Variants in RNFT2 observed in about 807,000 individuals in gnomAD.
RNFT2 encodes the protein E3 ubiquitin-protein ligase RNFT2.
In RNFT2, 36 loss-of-function variants were observed where a neutral mutation model predicts 53.0. The observed-to-expected ratio is 0.68, with a 90% CI of 0.52 to 0.90. The LOEUF is 0.90. Ranked by LOEUF, RNFT2 falls within the 40% of genes least tolerant of loss-of-function variation. The pLI is 0.00. For missense variants in RNFT2, 514 were observed against 585.6 expected, an observed-to-expected ratio of 0.88 and a Z score of 1.26; for synonymous variants, 260 against 253.2, an observed-to-expected ratio of 1.03 and a Z score of -0.26.
chr12:116,812,053 G>A (rs150260558), intron 7 of RNFT2, among the ~76,000 whole-genome samples: 1 of 152,116 alleles, frequency 6.6e-6, no homozygotes, highest in Non-Finnish European at 1.5e-5. Context: ...GAGGAGCCCG[G>A]TGAGGAACAA....
intron 7 of RNFT2, among the ~76,000 whole-genome samples, chr12:116,785,279 G>GGGCA (rs1566080510): frequency 3.7e-4 from 41 of 110,030 alleles, no homozygotes; most frequent in African/African-American, 2.6e-3. Flanking sequence ...GTGTGTGGCG[G>GGGCA]GGGGGGGTTG....
chr12:116,755,194 C>T (rs1195624711), intron 5 of RNFT2, among the ~76,000 whole-genome samples: 1 of 152,154 alleles, frequency 6.6e-6, no homozygotes, highest in East Asian at 1.9e-4. Flanking sequence ...CAGTTTCACT[C>T]TCCTACATGT....
At chr12:116,800,570 G>T (rs1041212914) in intron 7 of RNFT2, among the ~76,000 whole-genome samples, 23 of 151,814 alleles carry the variant, frequency 1.5e-4, no homozygotes, top group Non-Finnish European at 1.5e-4. Flanking sequence ...GAGGCGGGAG[G>T]TTGCAGTGAG....
chr12:116,842,677 G>A (rs990617494), intron 10 of RNFT2, among the ~76,000 whole-genome samples: 3 of 152,060 alleles, frequency 2.0e-5, no homozygotes, highest in African/African-American at 4.8e-5. Flanking sequence ...GAGTTCAAGC[G>A]ATTCTCCTGC....
chr12:116,788,867 A>C (rs769491256), intron 7 of RNFT2, among the ~76,000 whole-genome samples: 1 of 146,228 alleles, frequency 6.8e-6, no homozygotes, highest in African/African-American at 2.7e-5. Flanking sequence ...AGGAGAGTGG[A>C]TGGATGAATG....
At chr12:116,742,506 A>G (rs1871661142) in intron 3 of RNFT2, among the ~76,000 whole-genome samples, 1 of 152,044 alleles carries the variant, frequency 6.6e-6, no homozygotes, top group South Asian at 2.1e-4. Context: ...GGCTCAAGCG[A>G]TCTGTCCGAC....
intron 6 of RNFT2, among the ~76,000 whole-genome samples, chr12:116,771,174 G>C (rs151193570): frequency 3.9e-5 from 6 of 152,062 alleles, no homozygotes; most frequent in Non-Finnish European, 7.4e-5. Context: ...TTAAACATGT[G>C]GATAGTCCAG....
rs1482786750 is a variant in RNFT2, at chr12:116,743,235, AAAAAAAAAAC to A, written c.83+2142_83+2151del. Among the ~76,000 whole-genome samples, 334 of 115,058 alleles carry A rather than the reference AAAAAAAAAAC, an allele frequency of 2.9e-3. 57 individuals are homozygous for A. The highest frequency in any genetic ancestry group is 4.4e-3 in the Admixed American group (48 of 10,958). 75.5% of individuals were successfully genotyped at this position (115,058 alleles called of 152,430 possible). ...ATCTAAAAAAAAAAAAAAAAAAAAA[AAAAAAAAAAC>A]CGGTTAAAAAACACTCATGAGCTAG... On this transcript the variant is annotated intron_variant, in intron 3 of 10. Transcript: ENST00000257575.
chr12:116,770,814 C>A (rs1413364978), intron 6 of RNFT2, among the ~76,000 whole-genome samples: 2 of 152,154 alleles, frequency 1.3e-5, no homozygotes, highest in African/African-American at 2.4e-5. Flanking sequence ...CCACCTCAGC[C>A]TCCCAAATGG....
At chr12:116,821,859 C>T (rs1393912356) in intron 7 of RNFT2, among the ~76,000 whole-genome samples, 1 of 109,782 alleles carries the variant, frequency 9.1e-6, no homozygotes, top group Non-Finnish European at 1.6e-5. Context: ...CTCTGTCGCC[C>T]AGGCTGGAGT....
intron 3 of RNFT2, among the ~76,000 whole-genome samples, chr12:116,746,197 A>G (rs2032927812): frequency 6.6e-6 from 1 of 152,156 alleles, no homozygotes; most frequent in Non-Finnish European, 1.5e-5. Context: ...AGATCGCGCC[A>G]CTGCACTCTA....
At position 116,766,869 on chromosome 12, in the gene RNFT2, C is replaced by A. The variant is rs773630501; in HGVS notation, c.683C>A (p.Thr228Asn). The part of the protein sequence containing the change: ...LWILAFLAGN[T>N]LYVLYTFSSQ... ...ATCCTGGCCTTTCTGGCGGGGAACA[C>A]CCTCTATGTGCTTTATACATTCAGC... The change falls in exon 6 of 11, where the codon ACC becomes AAC. Residue 228 changes from threonine (T) to asparagine (N), a missense_variant. Thr to Asn is a moderately conservative substitution (Grantham distance 65). Coordinates refer to ENST00000257575, the MANE Select transcript of RNFT2 (RefSeq NM_001382266.1). The A allele has an allele frequency of 5.0e-6, 8 of 1,597,372 alleles. No individual in the cohort carries two copies. Among genetic ancestry groups the A allele is most frequent in the Non-Finnish European group, 6.0e-6 (7 of 1,171,608 alleles).
rs553581123 is a variant in RNFT2 at position 116,742,337 on chromosome 12, G to A, written c.83+1243G>A. ...GGCTAGAATGCAGTGGCACGATCTCGGCTCACTGCAGCCTCGACCTCTCAG... is the reference window on the plus strand; with the variant it reads ...GGCTAGAATGCAGTGGCACGATCTCAGCTCACTGCAGCCTCGACCTCTCAG... On this transcript the variant is annotated intron_variant, in intron 3 of 10. Coordinates refer to ENST00000257575, the MANE Select transcript of RNFT2 (RefSeq NM_001382266.1). Among the ~76,000 whole-genome samples the A allele has an allele frequency of 4.7e-5, 7 of 148,142 alleles. No individual in the cohort carries two copies. The East Asian group carries it at 1.2e-3, about 25-fold the overall frequency.
At position 116,756,366 on chromosome 12, in the gene RNFT2, T is replaced by C. The variant is rs184149227; in HGVS notation, c.627+2306T>C. Among the ~76,000 whole-genome samples the C allele has an allele frequency of 3.0e-4, 46 of 152,284 alleles. No homozygotes were observed. The East Asian group carries it at 6.9e-3, about 23-fold the overall frequency. On this transcript the variant is annotated intron_variant, in intron 5 of 10. Transcript: ENST00000257575. Reference sequence around the variant, plus strand: ...ATTGTAAAAGGGGTTGAGTTCTTGATGTGATTCTCTACTTGGTCGCCGTTG... The same window carrying C: ...ATTGTAAAAGGGGTTGAGTTCTTGACGTGATTCTCTACTTGGTCGCCGTTG...
chr12:116,829,567 A>T (rs1565872427), intron 7 of RNFT2, among the ~76,000 whole-genome samples: 1 of 152,176 alleles, frequency 6.6e-6, no homozygotes, highest in Non-Finnish European at 1.5e-5. Flanking sequence ...TGCTCCAAGG[A>T]ATCCTCTTCT....
intron 6 of RNFT2, among the ~76,000 whole-genome samples, chr12:116,775,261 CAAAA>C (rs5801198): frequency 0.059 from 6,844 of 116,762 alleles, 156 homozygotes; most frequent in African/African-American, 0.077. Context: ...ACTCCCGTCT[CAAAA>C]AAAAAAAAAA....
rs1282121043 is a variant in RNFT2, at chr12:116,841,860, T to A, written c.1200+5578T>A. Among the ~76,000 whole-genome samples the A allele has an allele frequency of 2.2e-3, 56 of 25,478 alleles. 7 individuals carry two copies. In the East Asian group the frequency reaches 0.034, roughly 15 times the overall value. The allele number at this position is 25,478 out of a possible 152,430, so 16.7% of individuals were successfully genotyped here. On this transcript the variant is annotated intron_variant, in intron 10 of 10. Coordinates refer to ENST00000257575, the MANE Select transcript of RNFT2 (RefSeq NM_001382266.1). Reference sequence around the variant, plus strand: ...ATATATATATAAATATATATAAAAATATATATATAAATATATATATAAATA... The same window carrying A: ...ATATATATATAAATATATATAAAAAAATATATATAAATATATATATAAATA...
At chr12:116,753,297 C>T (rs1872343633) in intron 4 of RNFT2, among the ~76,000 whole-genome samples, 1 of 151,838 alleles carries the variant, frequency 6.6e-6, no homozygotes, top group Non-Finnish European at 1.5e-5. Context: ...ACTACAGGCA[C>T]ATGCCACCAT....
Position 116,852,378 on chromosome 12 carries a change from T to TTCCCCC in RNFT2, c.*2935_*2936insCTCCCC. 8.2e-7 allele frequency: 1 copy of TTCCCCC among 1,219,834 alleles called. No homozygotes were observed. The highest frequency in any genetic ancestry group is 1.0e-6 in the Non-Finnish European group (1 of 975,868). 75.6% of individuals were successfully genotyped at this position (1,219,834 alleles called of 1,614,324 possible). A position where few individuals can be genotyped will look rare whatever the true frequency, so the allele number is the denominator to read the frequency against. On this transcript the variant is annotated 3_prime_UTR_variant, in exon 11 of 11. Transcript: ENST00000257575. ...CCCTGTGTGCCACCAAACCAGGACT[T>TTCCCCC]TCCCCTTGGCTTGGCATCCCTGGCT...
Sources: gnomAD v4.1 joint callset for allele counts (sites outside exome capture counted in the v4.1 genomes callset) on GRCh38, gnomAD v4.1.1 for gene constraint, MANE v1.5 for transcripts, NCBI Gene and HGNC (gene_info 2026-07-23, HGNC 2026-07-21) for gene names.